Variants in CCDC148 observed in about 807,000 individuals in gnomAD.
The protein encoded by CCDC148 is coiled-coil domain-containing protein 148.
In CCDC148, 89 loss-of-function variants were observed where a neutral mutation model predicts 85.7. That is an observed-to-expected ratio of 1.04 (90% CI 0.87 to 1.24). The LOEUF is 1.24. Among genes scored for constraint, CCDC148 ranks in the 50% most tolerant of loss-of-function variants. The probability of loss-of-function intolerance (pLI) is 0.00; values close to 1 mark genes in which losing one functional copy is unlikely to be tolerated. For missense variants in CCDC148, 692 were observed against 671.7 expected (o/e 1.03, Z -0.33); for synonymous variants, 230 against 213.9 (o/e 1.08, Z -0.66).
intron 1 of CCDC148, among the ~76,000 whole-genome samples, chr2:158,427,801 GTCGAGGC>G (rs1687145003): frequency 6.6e-6 from 1 of 152,104 alleles, no homozygotes; most frequent in Non-Finnish European, 1.5e-5. Flanking sequence ...AGCTGAAGAG[GTCGAGGC>G]TACAGTTAGC....
chr2:158,176,978 AAC>A (rs1684621851), intron 12 of CCDC148, among the ~76,000 whole-genome samples: 1 of 152,114 alleles, frequency 6.6e-6, no homozygotes, highest in Non-Finnish European at 1.5e-5. Context: ...TCATATAGAA[AAC>A]CTTACATATT....
chr2:158,429,420 A>C (rs1372000276), intron 1 of CCDC148, among the ~76,000 whole-genome samples: 2 of 151,976 alleles, frequency 1.3e-5, no homozygotes, highest in African/African-American at 2.4e-5. Flanking sequence ...CTTAGAACTA[A>C]GCCTTGAGAA....
At chr2:158,243,520 T>A (rs1191483628) in intron 10 of CCDC148, among the ~76,000 whole-genome samples, 2 of 152,106 alleles carry the variant, frequency 1.3e-5, no homozygotes, top group African/African-American at 2.4e-5. Flanking sequence ...TTTGAAATAA[T>A]CTCGTCTCTC....
intron 7 of CCDC148, among the ~76,000 whole-genome samples, chr2:158,338,003 G>A (rs994811697): frequency 1.3e-5 from 2 of 151,684 alleles, no homozygotes; most frequent in Non-Finnish European, 2.9e-5. Flanking sequence ...ACATTCTTTC[G>A]GGGAAAATAT....
intron 9 of CCDC148, among the ~76,000 whole-genome samples, chr2:158,269,185 T>C (rs1009412131): frequency 6.6e-6 from 1 of 152,200 alleles, no homozygotes; most frequent in Non-Finnish European, 1.5e-5. Flanking sequence ...CCACCAACAG[T>C]GTAGAAGAAT....
chr2:158,288,282 C>T (rs1422188134), intron 9 of CCDC148, among the ~76,000 whole-genome samples: 1 of 152,234 alleles, frequency 6.6e-6, no homozygotes, highest in Non-Finnish European at 1.5e-5. Context: ...CTCCTTGTTA[C>T]TCATGCAAAT....
At chr2:158,424,491 C>A (rs929300925) in intron 1 of CCDC148, among the ~76,000 whole-genome samples, 1 of 152,000 alleles carries the variant, frequency 6.6e-6, no homozygotes, top group Non-Finnish European at 1.5e-5. Context: ...ACCGCATGTT[C>A]TCACTCATAT....
chr2:158,383,002 A>G (rs2105289998), intron 1 of CCDC148, among the ~76,000 whole-genome samples: 1 of 152,088 alleles, frequency 6.6e-6, no homozygotes, highest in Non-Finnish European at 1.5e-5. Context: ...AAGTTGCCAT[A>G]AAAAATGATG....
intron 7 of CCDC148, among the ~76,000 whole-genome samples, chr2:158,329,852 T>G (rs1693000243): frequency 6.6e-6 from 1 of 152,238 alleles, no homozygotes. Flanking sequence ...TTTTTGCACA[T>G]TGATTTTGTA....
At chr2:158,434,581 G>A (rs1347289284) in intron 1 of CCDC148, among the ~76,000 whole-genome samples, 1 of 152,200 alleles carries the variant, frequency 6.6e-6, no homozygotes, top group African/African-American at 2.4e-5. Flanking sequence ...CCAAAGGAAT[G>A]CAGCTCCTCA....
intron 2 of CCDC148, among the ~76,000 whole-genome samples, chr2:158,357,299 A>G (rs974482022): frequency 6.6e-6 from 1 of 152,092 alleles, no homozygotes; most frequent in Non-Finnish European, 1.5e-5. Flanking sequence ...ACAAAAAAAA[A>G]GGTAAGGGCT....
At chr2:158,255,730 T>A (rs1688985476) in intron 9 of CCDC148, among the ~76,000 whole-genome samples, 1 of 151,730 alleles carries the variant, frequency 6.6e-6, no homozygotes, top group African/African-American at 2.4e-5. Flanking sequence ...AGAGAGTATG[T>A]GAACATATAA....
At chr2:158,247,674 T>C (rs1004058140) in intron 10 of CCDC148, among the ~76,000 whole-genome samples, 4 of 152,060 alleles carry the variant, frequency 2.6e-5, no homozygotes, top group African/African-American at 9.6e-5. Context: ...CTGACCAACA[T>C]AGTGAATCCC....
intron 11 of CCDC148, among the ~76,000 whole-genome samples, chr2:158,197,648 G>A (rs187327177): frequency 5.2e-4 from 79 of 152,094 alleles, no homozygotes; most frequent in African/African-American, 1.9e-3. Context: ...ACTTCATGAG[G>A]TCCTTGTGTT....
At chr2:158,337,448 A>C (rs558535585) in intron 7 of CCDC148, among the ~76,000 whole-genome samples, 41 of 152,326 alleles carry the variant, frequency 2.7e-4, no homozygotes, top group African/African-American at 9.4e-4. Context: ...GAGTGGGAAG[A>C]CAATGTTCAT....
At chr2:158,331,284 C>T (rs1002365164) in intron 7 of CCDC148, among the ~76,000 whole-genome samples, 3 of 152,140 alleles carry the variant, frequency 2.0e-5, no homozygotes, top group Admixed American at 6.6e-5. Flanking sequence ...CATTCAGGAG[C>T]AGGTTGTTCA....
chr2:158,450,455 T>C (rs540021269), intron 1 of CCDC148, among the ~76,000 whole-genome samples: 2 of 152,036 alleles, frequency 1.3e-5, no homozygotes, highest in South Asian at 4.1e-4. Context: ...GACAACCTTC[T>C]TTTACTTTGA....
At chr2:158,341,780 G>A (rs1041790952) in intron 3 of CCDC148, among the ~76,000 whole-genome samples, 1 of 151,682 alleles carries the variant, frequency 6.6e-6, no homozygotes. Flanking sequence ...ATATAAAAAA[G>A]CAGCAATTAT....
intron 7 of CCDC148, among the ~76,000 whole-genome samples, chr2:158,317,117 C>G (rs983794405): frequency 1.3e-5 from 2 of 152,118 alleles, no homozygotes; most frequent in African/African-American, 2.4e-5. Context: ...CATCTCTTAT[C>G]TACTTTCTGA....
Sources: gnomAD v4.1 joint callset for allele counts (sites outside exome capture counted in the v4.1 genomes callset) on GRCh38, gnomAD v4.1.1 for gene constraint, MANE v1.5 for transcripts, NCBI Gene and HGNC (gene_info 2026-07-23, HGNC 2026-07-21) for gene names.